The following MTBP variants were observed in gnomAD, a reference collection of about 807,000 sequenced individuals.
The protein encoded by MTBP is mdm2-binding protein.
In MTBP, 101 loss-of-function variants were observed where a neutral mutation model predicts 117.0. The ratio of observed to expected loss-of-function variants is 0.86; its 90% confidence interval spans 0.73 to 1.02. The LOEUF is 1.02. MTBP is among the 50% of genes least tolerant of loss of function. The pLI, the probability that MTBP is intolerant of heterozygous loss-of-function variation, is 0.00. For synonymous variants in MTBP, 350 were observed against 351.5 expected, an observed-to-expected ratio of 1.00 and a Z score of 0.05; for missense variants, 970 against 1,030.9, an observed-to-expected ratio of 0.94 and a Z score of 0.81.
rs1281199038 is a variant in MTBP, at chr8:120,462,946, C to A, written c.978-746C>A. Reference sequence around the variant, plus strand: ...CTGTAAACTGTTTTCATGGTACCACCCAACACTTAGATGTTTGGCCGTGTT... The same window carrying A: ...CTGTAAACTGTTTTCATGGTACCACACAACACTTAGATGTTTGGCCGTGTT... On this transcript the variant is annotated intron_variant, in intron 9 of 21. Transcript: ENST00000305949. 2.6e-5 allele frequency among the ~76,000 whole-genome samples: 4 copies of A among 152,158 alleles called. No homozygotes were observed. The East Asian group carries it at 7.7e-4, about 29-fold the overall frequency.
chr8:120,477,674 A>G lies in MTBP; in HGVS notation c.1165+6737A>G, dbSNP rs374179030. On this transcript the variant is annotated intron_variant, in intron 11 of 21. Coordinates refer to ENST00000305949, the MANE Select transcript of MTBP (RefSeq NM_022045.5). ...AAAAAGCTTATCCTCACTGGTCATT[A>G]GAGAAATGCAAATCAAAACCACAAT... 5.9e-5 allele frequency among the ~76,000 whole-genome samples: 9 copies of G among 152,346 alleles called. No homozygotes were observed. The East Asian group carries it at 9.6e-4, about 16-fold the overall frequency.
intron 14 of MTBP, among the ~76,000 whole-genome samples, chr8:120,501,520 G>A (rs546050564): frequency 4.5e-4 from 68 of 151,468 alleles, no homozygotes; most frequent in African/African-American, 1.6e-3. Flanking sequence ...CTGCACTCCA[G>A]CCTGGGCGAC....
At position 120,488,146 on chromosome 8, in the gene MTBP, T is replaced by C; in HGVS notation, c.1166-13T>C. 3.2e-6 allele frequency: 5 copies of C among 1,574,372 alleles called. No individual in the cohort carries two copies. The highest frequency in any genetic ancestry group is 4.3e-6 in the Non-Finnish European group (5 of 1,164,384). ...ATTTTCACATACTTAACAAGATAAT[T>C]GTTTTTGTTTAGTTCCAGATGTTGA... On this transcript the variant is annotated splice_polypyrimidine_tract_variant and intron_variant, in intron 11 of 21. Coordinates refer to ENST00000305949, the MANE Select transcript of MTBP (RefSeq NM_022045.5).
intron 13 of MTBP, among the ~76,000 whole-genome samples, chr8:120,497,050 A>G (rs1341359361): frequency 2.6e-5 from 4 of 152,236 alleles, no homozygotes; most frequent in Non-Finnish European, 5.9e-5. Flanking sequence ...CCAAGCTACC[A>G]TATTTAACTG....
chr8:120,446,349 TGA>T (rs2130498077), intron 1 of MTBP, 82 bp from the exon 2 acceptor site: 1 of 817,014 alleles, frequency 1.2e-6, no homozygotes, highest in Non-Finnish European at 2.1e-6. Context: ...CTACTGGTCT[TGA>T]GAGTCTCTGA....
At chr8:120,480,991 A>G (rs969276667) in intron 11 of MTBP, among the ~76,000 whole-genome samples, 1 of 152,222 alleles carries the variant, frequency 6.6e-6, no homozygotes, top group African/African-American at 2.4e-5. Context: ...TTTATATATA[A>G]TAAAACAACC....
intron 10 of MTBP, among the ~76,000 whole-genome samples, chr8:120,467,397 T>C (rs947676916): frequency 6.6e-6 from 1 of 152,136 alleles, no homozygotes; most frequent in African/African-American, 2.4e-5. Context: ...GGTGGATCAC[T>C]TGAGGTCAGG....
At chr8:120,476,138 A>C (rs1371753783) in intron 11 of MTBP, among the ~76,000 whole-genome samples, 1 of 152,078 alleles carries the variant, frequency 6.6e-6, no homozygotes, top group Non-Finnish European at 1.5e-5. Context: ...CTTTTGTCAC[A>C]TCATGTATAC....
chr8:120,488,237 C>G lies in MTBP; in HGVS notation c.1244C>G (p.Ala415Gly), dbSNP rs1298683739. ...LQGNGNRRCK[A>G]TLIHSANQIN... is the part of the protein sequence containing the mutation. ...GGTAATGGCAATAGAAGATGTAAAG[C>G]CACATTGATTCACTCAGCCAACCAG... The change falls in exon 12 of 22, where the codon GCC (alanine) becomes GGC (glycine). Residue 415 changes from alanine (A) to glycine (G), a missense_variant. Ala to Gly is a moderately conservative substitution (Grantham distance 60). Coordinates refer to ENST00000305949, the MANE Select transcript of MTBP (RefSeq NM_022045.5). 1.3e-6 allele frequency: 2 copies of G among 1,596,284 alleles called. No individual in the cohort carries two copies. The highest frequency in any genetic ancestry group is 1.4e-5 in the African/African-American group (1 of 73,908).
intron 11 of MTBP, among the ~76,000 whole-genome samples, chr8:120,476,466 G>C (rs1374401554): frequency 1.3e-5 from 2 of 152,074 alleles, no homozygotes; most frequent in East Asian, 3.9e-4. Context: ...AAGTCAAATT[G>C]TCTCTGTTTG....
intron 17 of MTBP, among the ~76,000 whole-genome samples, chr8:120,514,863 A>T (rs1814888518): frequency 6.6e-6 from 1 of 152,056 alleles, no homozygotes. Flanking sequence ...TTTGCAGATG[A>T]AGCAACAGAA....
rs146124802 is a variant in MTBP, at chr8:120,521,123, A to G, written c.2611-1531A>G. Among the ~76,000 whole-genome samples the G allele has an allele frequency of 2.3e-3, 350 of 152,270 alleles. 1 individual carries two copies. Among genetic ancestry groups the G allele is most frequent in the African/African-American group, 7.9e-3 (328 of 41,580 alleles). On this transcript the variant is annotated intron_variant, in intron 20 of 21. Transcript: ENST00000305949. ...TTTAAAAAATTTAATTAAAAAGACCAAAAGCAGAAAGGAAGCTGAACTGAG... is the reference window on the plus strand; with the variant it reads ...TTTAAAAAATTTAATTAAAAAGACCGAAAGCAGAAAGGAAGCTGAACTGAG...
intron 15 of MTBP, among the ~76,000 whole-genome samples, chr8:120,503,325 G>C (rs1053953133): frequency 6.6e-6 from 1 of 152,136 alleles, no homozygotes; most frequent in African/African-American, 2.4e-5. Context: ...CTCATCTAGA[G>C]CTTAGCTTTT....
At chr8:120,446,315 G>C (rs964766118) in intron 1 of MTBP, 118 bp from the exon 2 acceptor site, 4 of 667,380 alleles carry the variant, frequency 6.0e-6, no homozygotes, top group African/African-American at 1.8e-5. Flanking sequence ...ATCTTGAGCA[G>C]CGTTTAGTAC....
intron 16 of MTBP, among the ~76,000 whole-genome samples, chr8:120,508,786 A>G (rs985595861): frequency 6.6e-6 from 1 of 152,150 alleles, no homozygotes; most frequent in Non-Finnish European, 1.5e-5. Flanking sequence ...TAACTATTTA[A>G]AGACCACTGT....
intron 7 of MTBP, among the ~76,000 whole-genome samples, chr8:120,458,614 T>C (rs1392452930): frequency 3.3e-5 from 5 of 151,512 alleles, no homozygotes; most frequent in Non-Finnish European, 5.9e-5. Context: ...CTGAGGCAGG[T>C]GGATCACCCG....
chr8:120,503,714 A>G (rs1447789361), intron 15 of MTBP, among the ~76,000 whole-genome samples: 1 of 152,174 alleles, frequency 6.6e-6, no homozygotes, highest in African/African-American at 2.4e-5. Flanking sequence ...AGATTAGAGC[A>G]GAGAGACAGA....
intron 9 of MTBP, among the ~76,000 whole-genome samples, chr8:120,462,142 G>A (rs1813593864): frequency 6.6e-6 from 1 of 152,088 alleles, no homozygotes; most frequent in Non-Finnish European, 1.5e-5. Context: ...TATCATGATT[G>A]GGGTTAAATT....
intron 13 of MTBP, among the ~76,000 whole-genome samples, chr8:120,495,186 A>T (rs1225216800): frequency 6.6e-6 from 1 of 152,120 alleles, no homozygotes; most frequent in African/African-American, 2.4e-5. Flanking sequence ...ATGTCTGAAA[A>T]TTTATTTACT....
Sources: gnomAD v4.1 joint callset for allele counts (sites outside exome capture counted in the v4.1 genomes callset) on GRCh38, gnomAD v4.1.1 for gene constraint, MANE v1.5 for transcripts, NCBI Gene and HGNC (gene_info 2026-07-23, HGNC 2026-07-21) for gene names.